ANGPT1: variants seen among roughly 807,000 people sequenced by gnomAD.
ANGPT1 encodes angiopoietin-1.
In ANGPT1, 17 loss-of-function variants were observed where a neutral mutation model predicts 62.2. The observed-to-expected ratio is 0.27, with a 90% CI of 0.19 to 0.41. ANGPT1 has a LOEUF of 0.41. Among genes scored for constraint, ANGPT1 ranks in the 10% least tolerant of loss-of-function variants. The probability of loss-of-function intolerance (pLI) is 1.00; values close to 1 mark genes in which losing one functional copy is unlikely to be tolerated. For missense variants in ANGPT1, 478 were observed against 594.9 expected, an observed-to-expected ratio of 0.80 and a Z score of 2.04; for synonymous variants, 199 against 198.9, an observed-to-expected ratio of 1.00 and a Z score of 0.00.
chr8:107,434,224 G>C (rs565779057), intron 1 of ANGPT1, among the ~76,000 whole-genome samples: 22 of 152,318 alleles, frequency 1.4e-4, no homozygotes, highest in African/African-American at 5.1e-4. Context: ...ACAGATGTGT[G>C]ATATGCTTGG....
rs139386907 is a variant in ANGPT1 at position 107,395,810 on chromosome 8, CAGTT to C, written c.298-48717_298-48714del. The stretch of plus-strand genomic sequence containing the variant: ...TCATTAGTTCTCAGGAGCAGGAAAA[CAGTT>C]AGAATTTCCAAGAAAAAGATAGGAT... On this transcript the variant is annotated intron_variant, in intron 1 of 8. Transcript: ENST00000517746. Among the ~76,000 whole-genome samples the C allele has an allele frequency of 5.6e-4, 85 of 152,206 alleles. 2 individuals are homozygous for C. The East Asian group carries it at 0.014, about 25-fold the overall frequency.
At chr8:107,268,771 T>G (rs1442825170) in intron 7 of ANGPT1, among the ~76,000 whole-genome samples, 3 of 151,996 alleles carry the variant, frequency 2.0e-5, no homozygotes, top group African/African-American at 7.2e-5. Flanking sequence ...AGATTAAGCA[T>G]TAAAACATAA....
In ANGPT1 at chr8:107,446,013, G is replaced by T. The variant is rs527671366; in HGVS notation, c.297+51249C>A. Among the ~76,000 whole-genome samples the T allele has an allele frequency of 5.9e-5, 9 of 152,218 alleles. No individual in the cohort carries two copies. The South Asian group carries it at 1.9e-3, about 32-fold the overall frequency. Reference sequence around the variant, plus strand: ...GCTCACTGAAACCTCTGCCTCCCGGGGTCAAGCGATTCTTCTGCCTCAGCC... The same window carrying T: ...GCTCACTGAAACCTCTGCCTCCCGGTGTCAAGCGATTCTTCTGCCTCAGCC... On this transcript the variant is annotated intron_variant, in intron 1 of 8. Transcript: ENST00000517746.
intron 3 of ANGPT1, among the ~76,000 whole-genome samples, chr8:107,329,427 G>A (rs184738690): frequency 3.3e-5 from 5 of 152,056 alleles, no homozygotes; most frequent in Admixed American, 2.6e-4. Flanking sequence ...GGTCTAGAAT[G>A]GCCTGTGCAA....
At chr8:107,433,682 C>G (rs1189020560) in intron 1 of ANGPT1, among the ~76,000 whole-genome samples, 1 of 152,130 alleles carries the variant, frequency 6.6e-6, no homozygotes, top group Non-Finnish European at 1.5e-5. Context: ...CTTCTAGGAC[C>G]AATCCTTCAA....
At chr8:107,431,059 C>T (rs187879382) in intron 1 of ANGPT1, among the ~76,000 whole-genome samples, 2 of 152,300 alleles carry the variant, frequency 1.3e-5, no homozygotes, top group East Asian at 3.9e-4. Context: ...TTTAACCTCT[C>T]AAAACCTCAC....
At chr8:107,344,426 A>G (rs1415350177) in intron 2 of ANGPT1, among the ~76,000 whole-genome samples, 1 of 152,210 alleles carries the variant, frequency 6.6e-6, no homozygotes, top group East Asian at 1.9e-4. Flanking sequence ...AGGAAAAGGC[A>G]TGGTGGTGGT....
chr8:107,478,600 A>G (rs1812595898), intron 1 of ANGPT1, among the ~76,000 whole-genome samples: 1 of 152,206 alleles, frequency 6.6e-6, no homozygotes, highest in Non-Finnish European at 1.5e-5. Flanking sequence ...GTCAATGCTT[A>G]TATTGTACAA....
At chr8:107,323,633 T>C (rs1815208672) in intron 3 of ANGPT1, among the ~76,000 whole-genome samples, 1 of 152,144 alleles carries the variant, frequency 6.6e-6, no homozygotes, top group Admixed American at 6.5e-5. Context: ...GCCATCCTGG[T>C]AGATGCCAGA....
intron 1 of ANGPT1, among the ~76,000 whole-genome samples, chr8:107,371,633 G>A (rs1654710): frequency 0.75 from 107,596 of 143,756 alleles, 41,011 homozygotes; most frequent in East Asian, 0.87. Context: ...CTGGAGTACA[G>A]TGGCACAATC....
At chr8:107,313,736 A>C (rs10955449) in intron 4 of ANGPT1, among the ~76,000 whole-genome samples, 31,671 of 151,470 alleles carry the variant, frequency 0.21, 3,940 homozygotes, top group East Asian at 0.35. Flanking sequence ...AGCCACCACG[A>C]CTGGCCAAAA....
intron 6 of ANGPT1, among the ~76,000 whole-genome samples, chr8:107,293,280 G>A (rs1814325648): frequency 6.6e-6 from 1 of 152,104 alleles, no homozygotes; most frequent in African/African-American, 2.4e-5. Context: ...ATGGCTCACA[G>A]TTCATACCTT....
chr8:107,323,013 G>A lies in ANGPT1; in HGVS notation c.576-885C>T, dbSNP rs1214060161. On this transcript the variant is annotated intron_variant, in intron 3 of 8. Coordinates refer to ENST00000517746, the MANE Select transcript of ANGPT1 (RefSeq NM_001146.5). ...TGACACTACAAGTTCCCAAGTCACTGTATAAATGGTAACAAAAGGAAGACT... is the reference window on the plus strand; with the variant it reads ...TGACACTACAAGTTCCCAAGTCACTATATAAATGGTAACAAAAGGAAGACT... Among the ~76,000 whole-genome samples the A allele has an allele frequency of 2.0e-5, 3 of 152,110 alleles. No homozygotes were observed. The East Asian group carries it at 5.8e-4, about 29-fold the overall frequency.
rs75474624 is a variant in ANGPT1 at position 107,269,241 on chromosome 8, C to T, written c.1206-4890G>A. Among the ~76,000 whole-genome samples the T allele has an allele frequency of 3.0e-3, 463 of 151,878 alleles. 4 individuals carry two copies. The highest frequency in any genetic ancestry group is 0.01 in the African/African-American group (433 of 41,452). Reference sequence around the variant, plus strand: ...ATTTTTGGCCCAAAGCCAACGACCACAGCTAGTTATTTGATACAGGTAAAT... The same window carrying T: ...ATTTTTGGCCCAAAGCCAACGACCATAGCTAGTTATTTGATACAGGTAAAT... On this transcript the variant is annotated intron_variant, in intron 7 of 8. Transcript: ENST00000517746.
rs544270296 is a variant in ANGPT1 at position 107,404,978 on chromosome 8, C to T, written c.298-57881G>A. Among the ~76,000 whole-genome samples, 10 of 152,062 alleles carry T rather than the reference C, an allele frequency of 6.6e-5. No individual in the cohort carries two copies. The South Asian group carries it at 2.1e-3, about 32-fold the overall frequency. On this transcript the variant is annotated intron_variant, in intron 1 of 8. Transcript: ENST00000517746. ...GTAAACATTTATGCTAATAGCAGTA[C>T]CTTGCATTTATATTGGGCTATTATT...
At chr8:107,417,735 C>G (rs1434975328) in intron 1 of ANGPT1, among the ~76,000 whole-genome samples, 1 of 152,158 alleles carries the variant, frequency 6.6e-6, no homozygotes, top group Non-Finnish European at 1.5e-5. Flanking sequence ...TACTTTCTCT[C>G]TTCAACAAAA....
At chr8:107,377,462 A>G (rs570148103) in intron 1 of ANGPT1, among the ~76,000 whole-genome samples, 1 of 152,212 alleles carries the variant, frequency 6.6e-6, no homozygotes, top group Non-Finnish European at 1.5e-5. Context: ...TCATACTGAC[A>G]TTTAATCCAT....
At chr8:107,380,779 G>A (rs1333854090) in intron 1 of ANGPT1, among the ~76,000 whole-genome samples, 2 of 151,990 alleles carry the variant, frequency 1.3e-5, no homozygotes, top group African/African-American at 2.4e-5. Context: ...ACTCAAGTAG[G>A]GCAGAGCCAC....
chr8:107,299,798 AT>A lies in ANGPT1; in HGVS notation c.936+3441del, dbSNP rs1162540371. On this transcript the variant is annotated intron_variant, in intron 5 of 8. Coordinates refer to ENST00000517746, the MANE Select transcript of ANGPT1 (RefSeq NM_001146.5). ...ATACTATATATCTAGATATGTAGTT[AT>A]ATCTAGATATACTATATATCTAGAT... 8.3e-3 allele frequency among the ~76,000 whole-genome samples: 891 copies of A among 107,276 alleles called. 20 individuals are homozygous for A. The highest frequency in any genetic ancestry group is 0.029 in the African/African-American group (818 of 28,002). 70.4% of individuals were successfully genotyped at this position (107,276 alleles called of 152,430 possible).
Sources: gnomAD v4.1 joint callset for allele counts (sites outside exome capture counted in the v4.1 genomes callset) on GRCh38, gnomAD v4.1.1 for gene constraint, MANE v1.5 for transcripts, NCBI Gene and HGNC (gene_info 2026-07-23, HGNC 2026-07-21) for gene names.